LAPTM4B: variants seen among roughly 807,000 people sequenced by gnomAD.
The protein encoded by LAPTM4B is lysosomal-associated transmembrane protein 4B.
LAPTM4B carries 26 observed loss-of-function variants against 28.5 expected under a neutral mutation model. That is an observed-to-expected ratio of 0.91 (90% CI 0.67 to 1.27). The LOEUF is 1.27. Among genes scored for constraint, LAPTM4B ranks in the 50% most tolerant of loss-of-function variants. The pLI, the probability that LAPTM4B is intolerant of heterozygous loss-of-function variation, is 0.00. For missense variants in LAPTM4B, 288 were observed against 285.8 expected (o/e 1.01, Z -0.06); for synonymous variants, 109 against 106.4 (o/e 1.02, Z -0.15).
At position 97,775,963 on chromosome 8, in the gene LAPTM4B, C is replaced by A. The variant is rs766091754; in HGVS notation, c.-47C>A. The A allele has an allele frequency of 2.6e-6, 4 of 1,531,050 alleles. No individual in the cohort carries two copies. In the Admixed American group the frequency reaches 6.2e-5, roughly 24 times the overall value. The allele number at this position is 1,531,050 out of a possible 1,614,324, so 94.8% of individuals were successfully genotyped here. On this transcript the variant is annotated 5_prime_UTR_variant, in exon 1 of 7. Coordinates refer to ENST00000521545, the MANE Select transcript of LAPTM4B (RefSeq NM_018407.6). ...GGCGGGCTCCAGGCGAGGCGGTCGA[C>A]GCTCCTGAAAACTTGCGCGCGCGCT...
chr8:97,815,336 A>C lies in LAPTM4B; in HGVS notation c.220A>C (p.Ile74Leu). Residue 74 changes from isoleucine to leucine, a missense_variant, in exon 3 of 7, where the codon ATT becomes CTT. Coordinates refer to ENST00000521545, the MANE Select transcript of LAPTM4B (RefSeq NM_018407.6). ...TTTTAATCTTTCGGCAGACATGTGC[A>C]TTGCCATTGCGATTTCTCTTCTCAT... Reference protein sequence around the residue: ...FEFMDDANMCIAIAISLLMIL... With the variant: ...FEFMDDANMCLAIAISLLMIL... The C allele has an allele frequency of 6.2e-7, 1 of 1,613,866 alleles. No homozygotes were observed. The highest frequency in any genetic ancestry group is 8.5e-7 in the Non-Finnish European group (1 of 1,179,794).
At chr8:97,783,273 T>C (rs555771693) in intron 1 of LAPTM4B, among the ~76,000 whole-genome samples, 27 of 152,080 alleles carry the variant, frequency 1.8e-4, no homozygotes, top group African/African-American at 5.3e-4. Flanking sequence ...TTTCTTTCTT[T>C]CTTTTTCTTT....
In LAPTM4B at chr8:97,819,533, T is replaced by G. The variant is rs1014781464; in HGVS notation, c.507+295T>G. Among the ~76,000 whole-genome samples, 5 of 152,174 alleles carry G rather than the reference T, an allele frequency of 3.3e-5. No homozygotes were observed. In the South Asian group the frequency reaches 1.0e-3, roughly 32 times the overall value. On this transcript the variant is annotated intron_variant, in intron 5 of 6. Coordinates refer to ENST00000521545, the MANE Select transcript of LAPTM4B (RefSeq NM_018407.6). ...TGTTACAAGGTCTGTGTAATGGATATTCTTTTGTAATTTTTTGCTAAAAGT... is the reference window on the plus strand; with the variant it reads ...TGTTACAAGGTCTGTGTAATGGATAGTCTTTTGTAATTTTTTGCTAAAAGT...
At chr8:97,781,963 T>C (rs575385124) in intron 1 of LAPTM4B, among the ~76,000 whole-genome samples, 1 of 148,762 alleles carries the variant, frequency 6.7e-6, no homozygotes, top group Admixed American at 6.8e-5. Flanking sequence ...TGAACATTCT[T>C]GCACAAGACT....
At chr8:97,828,345 T>TA (rs1817126408) in intron 6 of LAPTM4B, among the ~76,000 whole-genome samples, 1 of 152,128 alleles carries the variant, frequency 6.6e-6, no homozygotes, top group Non-Finnish European at 1.5e-5. Flanking sequence ...GTCGAGTTGT[T>TA]AAAAGGAGCA....
rs180805705 is a variant in LAPTM4B, at chr8:97,779,623, A to G, written c.99+3515A>G. 6.3e-3 allele frequency among the ~76,000 whole-genome samples: 951 copies of G among 152,048 alleles called. 7 individuals are homozygous for G. Among genetic ancestry groups the G allele is most frequent in the Middle Eastern group, 0.024 (7 of 292 alleles). ...AACATGGCAAGATCCCGTCTCTAAT[A>G]AAAATACAAAAATTATTCGGTCGTG... On this transcript the variant is annotated intron_variant, in intron 1 of 6. Transcript: ENST00000521545.
intron 6 of LAPTM4B, among the ~76,000 whole-genome samples, chr8:97,847,008 G>C (rs929745531): frequency 6.6e-6 from 1 of 152,134 alleles, no homozygotes; most frequent in Non-Finnish European, 1.5e-5. Flanking sequence ...GTTACCTCTG[G>C]TAACACTCTG....
intron 6 of LAPTM4B, among the ~76,000 whole-genome samples, chr8:97,837,452 C>T (rs934757562): frequency 1.3e-5 from 2 of 151,796 alleles, no homozygotes; most frequent in East Asian, 3.9e-4. Flanking sequence ...CTTGGCCACC[C>T]GAAGTGCTCC....
At chr8:97,824,885 T>C (rs1817070085) in intron 5 of LAPTM4B, among the ~76,000 whole-genome samples, 173 bp from the exon 6 acceptor site, 1 of 152,126 alleles carries the variant, frequency 6.6e-6, no homozygotes, top group Non-Finnish European at 1.5e-5. Flanking sequence ...GCCAAGAAGT[T>C]ACTATACCCA....
At chr8:97,837,221 GTC>G (rs377249013) in intron 6 of LAPTM4B, among the ~76,000 whole-genome samples, 3 of 146,028 alleles carry the variant, frequency 2.1e-5, no homozygotes, top group Non-Finnish European at 4.5e-5. Context: ...TGGAGACAGA[GTC>G]TCTGTCGCCC....
chr8:97,839,596 G>A (rs1425856025), intron 6 of LAPTM4B, among the ~76,000 whole-genome samples: 2 of 152,120 alleles, frequency 1.3e-5, no homozygotes, highest in African/African-American at 2.4e-5. Flanking sequence ...AAGACTACAC[G>A]AGCACTTGTA....
intron 6 of LAPTM4B, among the ~76,000 whole-genome samples, chr8:97,836,124 G>A (rs1817257077): frequency 6.6e-6 from 1 of 151,934 alleles, no homozygotes; most frequent in African/African-American, 2.4e-5. Context: ...CATGAAACCA[G>A]GGACTGCCGA....
At chr8:97,801,923 A>C (rs2438218) in intron 1 of LAPTM4B, among the ~76,000 whole-genome samples, 151,567 of 151,926 alleles carry the variant, frequency 1, 75,610 homozygotes, top group Middle Eastern at 1. Flanking sequence ...CTTTGCCATA[A>C]ATCTTAATGC....
chr8:97,834,547 T>TTGTG (rs10557729), intron 6 of LAPTM4B, among the ~76,000 whole-genome samples: 2 of 150,490 alleles, frequency 1.3e-5, no homozygotes, highest in Non-Finnish European at 3.0e-5. Context: ...ATGTCCCTGG[T>TTGTG]TGTGTGTGTG....
At chr8:97,805,610 A>C (rs935213943) in intron 2 of LAPTM4B, 146 bp downstream of exon 2, 2 of 627,802 alleles carry the variant, frequency 3.2e-6, no homozygotes, top group African/African-American at 3.7e-5. Flanking sequence ...TGTGCGTCTA[A>C]CATTCTGTCT....
intron 6 of LAPTM4B, among the ~76,000 whole-genome samples, chr8:97,829,697 T>C (rs974395843): frequency 4.9e-5 from 7 of 143,646 alleles, no homozygotes; most frequent in South Asian, 2.2e-4. Context: ...TTCTTTCTTC[T>C]TTTTTTTTTT....
chr8:97,850,751 A>G (rs1025818390), intron 6 of LAPTM4B, among the ~76,000 whole-genome samples: 4 of 145,880 alleles, frequency 2.7e-5, no homozygotes, highest in East Asian at 4.0e-4. Flanking sequence ...TTTTGTCTCA[A>G]TTATCTTATA....
intron 5 of LAPTM4B, among the ~76,000 whole-genome samples, chr8:97,820,854 G>T (rs990371194): frequency 1.3e-5 from 2 of 151,816 alleles, no homozygotes; most frequent in Admixed American, 1.3e-4. Context: ...TCAGTCTCAC[G>T]AGTAGCTGGG....
At chr8:97,777,791 C>G (rs1430341137) in intron 1 of LAPTM4B, among the ~76,000 whole-genome samples, 2 of 152,174 alleles carry the variant, frequency 1.3e-5, no homozygotes, top group Admixed American at 6.6e-5. Context: ...CCAAGAAATT[C>G]TTTACTGAAA....
Sources: gnomAD v4.1 joint callset for allele counts (sites outside exome capture counted in the v4.1 genomes callset) on GRCh38, gnomAD v4.1.1 for gene constraint, MANE v1.5 for transcripts, NCBI Gene and HGNC (gene_info 2026-07-23, HGNC 2026-07-21) for gene names.